Variants in ALK observed in about 807,000 individuals in gnomAD.
ALK encodes ALK receptor tyrosine kinase, also known as ALK tyrosine kinase receptor.
A neutral mutation model predicts 163.1 loss-of-function variants in ALK; 74 were observed. That is an observed-to-expected ratio of 0.45 (90% CI 0.38 to 0.55). ALK has a LOEUF of 0.55. ALK is among the 20% of genes least tolerant of loss of function. The pLI, the probability that ALK is intolerant of heterozygous loss-of-function variation, is 0.00. For synonymous variants in ALK, 960 were observed against 843.2 expected (o/e 1.14, Z -2.40); for missense variants, 2,063 against 2,105.3 (o/e 0.98, Z 0.39).
chr2:29,243,510 A>G (rs962437519), intron 12 of ALK, among the ~76,000 whole-genome samples: 1 of 152,238 alleles, frequency 6.6e-6, no homozygotes, highest in Non-Finnish European at 1.5e-5. Flanking sequence ...ATGTGCCCCC[A>G]TGGGTGAGCC....
At chr2:29,831,701 A>G (rs987755540) in intron 1 of ALK, among the ~76,000 whole-genome samples, 1 of 152,160 alleles carries the variant, frequency 6.6e-6, no homozygotes, top group African/African-American at 2.4e-5. Flanking sequence ...AAATCACTTA[A>G]CCTGTCTAGG....
intron 1 of ALK, among the ~76,000 whole-genome samples, chr2:29,881,835 G>C (rs1666876037): frequency 6.6e-6 from 1 of 151,902 alleles, no homozygotes; most frequent in African/African-American, 2.4e-5. Flanking sequence ...TTCATTACCT[G>C]TACTCCCCCA....
At chr2:29,422,913 G>GTTTTTTTTTTTTTTTTTTTTTTTT (rs59625011) in intron 4 of ALK, among the ~76,000 whole-genome samples, 1 of 138,674 alleles carries the variant, frequency 7.2e-6, no homozygotes, top group African/African-American at 2.6e-5. Flanking sequence ...CACTTGATAT[G>GTTTTTTTTTTTTTTTTTTTTTTTT]TTTTTTTTTT....
rs773991726 is a variant in ALK, at chr2:29,196,870, G to A, written c.4074-10C>T. ...AGTCATTATCCGGTATCTAAAAGAA[G>A]AAGCACATTAATTAAAATAAGGAGA... On this transcript the variant is annotated splice_polypyrimidine_tract_variant and intron_variant, in intron 27 of 28. Coordinates refer to ENST00000389048, the MANE Select transcript of ALK (RefSeq NM_004304.5). 2.5e-6 allele frequency: 4 copies of A among 1,596,662 alleles called. No individual in the cohort carries two copies. In the South Asian group the frequency reaches 4.4e-5, roughly 18 times the overall value.
rs1672075511 is a variant in ALK at position 29,498,015 on chromosome 2, C to G, written c.1154+33900G>C. On this transcript the variant is annotated intron_variant, in intron 4 of 28. Coordinates refer to ENST00000389048, the MANE Select transcript of ALK (RefSeq NM_004304.5). ...CAAAATACAATTTCTAATGCCATTA[C>G]TACTAACTTCATTAGGATTCATTTC... Among the ~76,000 whole-genome samples, 3 of 152,256 alleles carry G rather than the reference C, an allele frequency of 2.0e-5. No individual in the cohort carries two copies. The South Asian group carries it at 6.2e-4, about 32-fold the overall frequency.
chr2:29,224,737 A>C (rs2148174398), intron 19 of ALK: 1 of 216,806 alleles, frequency 4.6e-6, no homozygotes, highest in Non-Finnish European at 9.3e-6. Context: ...CCATGCAACA[A>C]GTGTTAGCTC....
intron 4 of ALK, among the ~76,000 whole-genome samples, chr2:29,504,303 A>C (rs1430693453): frequency 6.6e-6 from 1 of 152,166 alleles, no homozygotes; most frequent in Non-Finnish European, 1.5e-5. Context: ...GCCAGGTCAC[A>C]CAGGGCTTTA....
At chr2:29,482,822 C>T (rs1671694234) in intron 4 of ALK, among the ~76,000 whole-genome samples, 1 of 152,144 alleles carries the variant, frequency 6.6e-6, no homozygotes, top group African/African-American at 2.4e-5. Context: ...TTTAGTCTTC[C>T]ATGACGACTA....
At chr2:29,422,538 G>T (rs1478193792) in intron 4 of ALK, among the ~76,000 whole-genome samples, 1 of 152,110 alleles carries the variant, frequency 6.6e-6, no homozygotes, top group African/African-American at 2.4e-5. Flanking sequence ...TAGTACATTG[G>T]GTGCTTCCTG....
intron 1 of ALK, among the ~76,000 whole-genome samples, chr2:29,831,259 GGAAGAAGAAGAAGAA>G (rs201594262): frequency 0.011 from 299 of 28,134 alleles, 46 homozygotes; most frequent in South Asian, 0.036. Flanking sequence ...AAGAGGAAGA[GGAAGAAGAAGAAGAA>G]GAAGAAGAAG....
chr2:29,472,182 T>G (rs1671362413), intron 4 of ALK, among the ~76,000 whole-genome samples: 1 of 152,208 alleles, frequency 6.6e-6, no homozygotes, highest in South Asian at 2.1e-4. Flanking sequence ...GCCCAAGTAG[T>G]GATGCCACCA....
At chr2:29,326,452 C>T (rs1049663176) in intron 6 of ALK, among the ~76,000 whole-genome samples, 43 of 152,144 alleles carry the variant, frequency 2.8e-4, no homozygotes, top group Non-Finnish European at 5.3e-4. Context: ...AAGGCAATCG[C>T]GAAATCACAG....
chr2:29,510,592 A>G (rs1431353000), intron 4 of ALK, among the ~76,000 whole-genome samples: 11 of 152,236 alleles, frequency 7.2e-5, no homozygotes, highest in Non-Finnish European at 1.5e-4. Context: ...ATATGTTTGC[A>G]GCAAAAAGAA....
At chr2:29,334,810 C>T (rs1156228910) in intron 5 of ALK, among the ~76,000 whole-genome samples, 1 of 152,212 alleles carries the variant, frequency 6.6e-6, no homozygotes, top group African/African-American at 2.4e-5. Context: ...ATTAGATGGA[C>T]GCCTGGTACT....
intron 5 of ALK, among the ~76,000 whole-genome samples, chr2:29,354,767 C>CTTTTTTTTTTTTTT (rs763001304): frequency 7.2e-6 from 1 of 138,490 alleles, no homozygotes; most frequent in Non-Finnish European, 1.6e-5. Context: ...TTTTCTTTTT[C>CTTTTTTTTTTTTTT]TTTTTTTTTT....
intron 3 of ALK, among the ~76,000 whole-genome samples, chr2:29,600,158 T>C (rs1314668554): frequency 6.6e-6 from 1 of 152,184 alleles, no homozygotes; most frequent in Non-Finnish European, 1.5e-5. Context: ...CCCCCAAGAC[T>C]GTTTTTCCTG....
In ALK at chr2:29,297,208, A is replaced by G. The variant is rs1666214823; in HGVS notation, c.1648-151T>C. 6.3e-6 allele frequency: 5 copies of G among 793,462 alleles called. No homozygotes were observed. The Admixed American group carries it at 8.6e-5, about 14-fold the overall frequency. The allele number at this position is 793,462 out of a possible 1,614,324, so 49.2% of individuals were successfully genotyped here. A position where few individuals can be genotyped will look rare whatever the true frequency, so the allele number is the denominator to read the frequency against. ...TGGATGCCCACCACCTGTCTCACCAAGAGGCTTTCAGTGAAGTTCAAGTAT... is the reference window on the plus strand; with the variant it reads ...TGGATGCCCACCACCTGTCTCACCAGGAGGCTTTCAGTGAAGTTCAAGTAT... On this transcript the variant is annotated intron_variant, in intron 8 of 28. Coordinates refer to ENST00000389048, the MANE Select transcript of ALK (RefSeq NM_004304.5).
At chr2:29,647,078 T>A (rs1490867038) in intron 3 of ALK, among the ~76,000 whole-genome samples, 1 of 152,184 alleles carries the variant, frequency 6.6e-6, no homozygotes, top group Non-Finnish European at 1.5e-5. Flanking sequence ...TTCCTTGTAA[T>A]ATAATATATG....
intron 26 of ALK, among the ~76,000 whole-genome samples, chr2:29,204,547 C>T (rs2148149624): frequency 6.6e-6 from 1 of 152,196 alleles, no homozygotes; most frequent in East Asian, 1.9e-4. Flanking sequence ...CCATTTTCAT[C>T]ACATCAGGGG....
Sources: allele counts gnomAD v4.1 joint callset (sites outside exome capture counted in the v4.1 genomes callset), GRCh38; gene constraint gnomAD v4.1.1; transcripts MANE v1.5; gene names NCBI Gene and HGNC (gene_info 2026-07-23, HGNC 2026-07-21).